The following CABP1 variants were observed in gnomAD, a reference collection of about 807,000 sequenced individuals.
CABP1 encodes calcium-binding protein 1.
CABP1 carries 17 observed loss-of-function variants against 34.3 expected under a neutral mutation model. That is an observed-to-expected ratio of 0.50 (90% CI 0.34 to 0.74). The LOEUF (loss-of-function observed/expected upper bound fraction) is 0.74, where lower values mean the gene tolerates loss of function less well. Among genes scored for constraint, CABP1 ranks in the 30% least tolerant of loss-of-function variants. The probability of loss-of-function intolerance (pLI) is 0.01; values close to 1 mark genes in which losing one functional copy is unlikely to be tolerated. For missense variants in CABP1, 373 were observed against 511.1 expected (o/e 0.73, Z 2.61); for synonymous variants, 198 against 229.2 (o/e 0.86, Z 1.23).
Position 120,640,626 on chromosome 12 carries a change from A to G in CABP1, c.-60A>G, listed in dbSNP as rs1879268603. ...TCCGGGGACAGCCGGCAGCGCCCCC[A>G]GATCTGCACCGCCAGCCGCCGGGAG... On this transcript the variant is annotated 5_prime_UTR_variant, in exon 1 of 6. Coordinates refer to ENST00000316803, the MANE Select transcript of CABP1 (RefSeq NM_001033677.2). The surrounding 1 kb of genome is among the most constrained non-coding windows in gnomAD (Gnocchi z 6.2). 9.1e-7 allele frequency: 1 copy of G among 1,098,630 alleles called. No individual in the cohort carries two copies. The highest frequency in any genetic ancestry group is 1.1e-6 in the Non-Finnish European group (1 of 903,362). The allele number at this position is 1,098,630 out of a possible 1,614,324, so 68.1% of individuals were successfully genotyped here.
In CABP1 at chr12:120,640,659, C is replaced by A; in HGVS notation, c.-27C>A. 1 of 1,161,208 alleles carries A rather than the reference C, an allele frequency of 8.6e-7. No homozygotes were observed. Among genetic ancestry groups the A allele is most frequent in the Non-Finnish European group, 1.1e-6 (1 of 943,132 alleles). The allele number at this position is 1,161,208 out of a possible 1,614,324, so 71.9% of individuals were successfully genotyped here. A position where few individuals can be genotyped will look rare whatever the true frequency, so the allele number is the denominator to read the frequency against. On this transcript the variant is annotated 5_prime_UTR_variant, in exon 1 of 6. Transcript: ENST00000316803. The surrounding 1 kb of genome is among the most constrained non-coding windows in gnomAD (Gnocchi z 6.2). ...ACCGCCAGCCGCCGGGAGCTCCGGG[C>A]TCCGGGCGTAGAGGCTGCGCTGTCA...
intron 1 of CABP1, chr12:120,650,775 C>A: frequency 7.7e-7 from 1 of 1,293,228 alleles, no homozygotes; most frequent in South Asian, 1.2e-5. Flanking sequence ...GTGGCTGGAG[C>A]TTGCTATCCT....
At chr12:120,677,623 T>C in the CABP1 span, among the ~76,000 whole-genome samples, 1 of 151,742 alleles carries the variant, frequency 6.6e-6, no homozygotes, top group African/African-American at 2.4e-5. Context: ...CCCAGGCTAG[T>C]ATTGAACTCC....
chr12:120,676,750 T>A, the CABP1 span, among the ~76,000 whole-genome samples: 1 of 152,150 alleles, frequency 6.6e-6, no homozygotes, highest in East Asian at 1.9e-4. Flanking sequence ...TCTGAGTATG[T>A]GTACTTTAGT....
At chr12:120,665,605 C>T (rs1310642710) in intron 5 of CABP1, among the ~76,000 whole-genome samples, 3 of 151,524 alleles carry the variant, frequency 2.0e-5, no homozygotes, top group Non-Finnish European at 2.9e-5. Flanking sequence ...ACAACAAATG[C>T]ACCACTCTGT....
At chr12:120,646,211 G>A (rs985011617) in intron 1 of CABP1, among the ~76,000 whole-genome samples, 2 of 152,172 alleles carry the variant, frequency 1.3e-5, no homozygotes, top group African/African-American at 4.8e-5. Context: ...CACCTCTCAC[G>A]TTACAGTCCA....
At chr12:120,665,287 T>A (rs1224377818) in intron 5 of CABP1, among the ~76,000 whole-genome samples, 1 of 151,532 alleles carries the variant, frequency 6.6e-6, no homozygotes. Context: ...TTAGCCAGGC[T>A]TGGTGGCGCA....
chr12:120,665,797 G>A (rs1363237907), intron 5 of CABP1, among the ~76,000 whole-genome samples: 5 of 152,020 alleles, frequency 3.3e-5, no homozygotes, highest in South Asian at 2.1e-4. Context: ...CGAGGTGGGC[G>A]GATCACGAGG....
chr12:120,650,787 C>G, intron 1 of CABP1: 1 of 1,177,644 alleles, frequency 8.5e-7, no homozygotes, highest in African/African-American at 1.5e-5. Flanking sequence ...TGCTATCCTT[C>G]CCAGGGGTTC....
intron 1 of CABP1, among the ~76,000 whole-genome samples, chr12:120,643,793 C>T (rs201522738): frequency 3.9e-5 from 6 of 152,262 alleles, no homozygotes; most frequent in East Asian, 3.9e-4. Context: ...AAATGAGATA[C>T]GGAGAGATAG....
At chr12:120,642,299 C>CG (rs1565993153) in intron 1 of CABP1, among the ~76,000 whole-genome samples, 143 of 152,076 alleles carry the variant, frequency 9.4e-4, no homozygotes, top group African/African-American at 3.0e-3. Context: ...TGTAGGGAAA[C>CG]AGGGGGGGCT....
In CABP1 at chr12:120,660,820, C is replaced by G. The variant is rs1037749606; in HGVS notation, c.919C>G (p.Leu307Val). The change falls in exon 4 of 6, where the codon CTG (leucine) becomes GTG (valine). Residue 307 changes from leucine (L) to valine (V), a missense_variant. This residue lies in a region of CABP1 where 109 missense variants were observed against 204.8 expected (regional missense o/e 0.53). Transcript: ENST00000316803. The surrounding 1 kb of genome is among the most constrained non-coding windows in gnomAD (Gnocchi z 5.0). ...ETADMIGVKE[L>V]RDAFREFDTN... ...AGCAGATATGATTGGTGTAAAGGAACTGCGAGATGCTTTCCGAGAGGTAAC... is the reference window on the plus strand; with the variant it reads ...AGCAGATATGATTGGTGTAAAGGAAGTGCGAGATGCTTTCCGAGAGGTAAC... The G allele has an allele frequency of 6.2e-7, 1 of 1,612,944 alleles. No homozygotes were observed. The highest frequency in any genetic ancestry group is 8.5e-7 in the Non-Finnish European group (1 of 1,178,898).
At position 120,661,552 on chromosome 12, in the gene CABP1, A is replaced by C; in HGVS notation, c.1087+334A>C. 4.1e-6 allele frequency: 1 copy of C among 242,414 alleles called. No individual in the cohort carries two copies. The highest frequency in any genetic ancestry group is 2.4e-5 in the African/African-American group (1 of 42,312). 15.0% of individuals were successfully genotyped at this position (242,414 alleles called of 1,614,324 possible). On this transcript the variant is annotated intron_variant, in intron 5 of 5. Coordinates refer to ENST00000316803, the MANE Select transcript of CABP1 (RefSeq NM_001033677.2). The surrounding 1 kb of genome is among the most constrained non-coding windows in gnomAD (Gnocchi z 5.1). ...CCATCTATCCATCCATCCATCCTCT[A>C]CCTATCCATCCATCTGTCCATTTAT... is the stretch of plus-strand genomic sequence containing the variant.
chr12:120,664,419 T>A (rs1321112210), intron 5 of CABP1, among the ~76,000 whole-genome samples: 1 of 152,164 alleles, frequency 6.6e-6, no homozygotes, highest in Non-Finnish European at 1.5e-5. Context: ...TTTACCCAAA[T>A]GAGTTGAAAA....
At chr12:120,642,659 T>C (rs1879388723) in intron 1 of CABP1, among the ~76,000 whole-genome samples, 1 of 152,190 alleles carries the variant, frequency 6.6e-6, no homozygotes, top group African/African-American at 2.4e-5. Context: ...GGGAGTTCAC[T>C]GCAGTGCTTT....
At chr12:120,658,344 C>T (rs773006834) in intron 1 of CABP1, among the ~76,000 whole-genome samples, 1 of 152,190 alleles carries the variant, frequency 6.6e-6, no homozygotes, top group Admixed American at 6.5e-5. Flanking sequence ...GTGATCCCCT[C>T]GCCTTGGCCT....
chr12:120,651,962 G>C (rs1198999379), intron 1 of CABP1, among the ~76,000 whole-genome samples: 2 of 152,204 alleles, frequency 1.3e-5, no homozygotes, highest in Non-Finnish European at 2.9e-5. Context: ...GTGAACTTAA[G>C]AACAAGGATT....
At chr12:120,680,181 A>G in the CABP1 span, among the ~76,000 whole-genome samples, 1 of 152,336 alleles carries the variant, frequency 6.6e-6, no homozygotes, top group African/African-American at 2.4e-5. Flanking sequence ...TGGGAAAAAG[A>G]AAAATTCTCT....
rs1052153749 is a variant in CABP1 at position 120,667,106 on chromosome 12, C to T, written c.*206C>T. ...CCTGCAACTGGAAAGCGGGGGCGCC[C>T]GCCGACGAGGAGGCCACCGTGCCAA... On this transcript the variant is annotated 3_prime_UTR_variant, in exon 6 of 6. Transcript: ENST00000316803. 8.0e-6 allele frequency: 5 copies of T among 621,186 alleles called. No individual in the cohort carries two copies. Among genetic ancestry groups the T allele is most frequent in the Non-Finnish European group, 1.4e-5 (5 of 358,650 alleles). 38.5% of individuals were successfully genotyped at this position (621,186 alleles called of 1,614,324 possible). A position where few individuals can be genotyped will look rare whatever the true frequency, so the allele number is the denominator to read the frequency against.
Sources: allele counts gnomAD v4.1 joint callset (sites outside exome capture counted in the v4.1 genomes callset), GRCh38; gene constraint gnomAD v4.1.1; regional missense constraint gnomAD v4.1.1; non-coding constraint Gnocchi (gnomAD v3.1); transcripts MANE v1.5; gene names NCBI Gene and HGNC (gene_info 2026-07-23, HGNC 2026-07-21).